The following SLC7A1 variants were observed in gnomAD, a reference collection of about 807,000 sequenced individuals.
The protein encoded by SLC7A1 is solute carrier family 7 member 1.
Under a neutral mutation model 53.9 loss-of-function variants are expected in SLC7A1, and 10 were observed. The observed-to-expected ratio is 0.19, with a 90% confidence interval of 0.11 to 0.31. SLC7A1 has a LOEUF of 0.31. SLC7A1 is among the 10% of genes least tolerant of loss of function. SLC7A1 has a pLI of 1.00. For synonymous variants in SLC7A1, 342 were observed against 338.7 expected, an observed-to-expected ratio of 1.01 and a Z score of -0.11; for missense variants, 525 against 827.2, an observed-to-expected ratio of 0.63 and a Z score of 4.48.
At chr13:29,556,348 A>T (rs1399477050) in intron 1 of SLC7A1, among the ~76,000 whole-genome samples, 1 of 152,134 alleles carries the variant, frequency 6.6e-6, no homozygotes, top group Non-Finnish European at 1.5e-5. Context: ...TAGGTAAATT[A>T]AGACATTTAT....
At chr13:29,567,959 C>T (rs1871040374) in intron 1 of SLC7A1, among the ~76,000 whole-genome samples, 1 of 152,040 alleles carries the variant, frequency 6.6e-6, no homozygotes. Flanking sequence ...CCAAAGAGCT[C>T]CCACCCAGGG....
At chr13:29,571,437 C>A (rs1449162905) in intron 1 of SLC7A1, among the ~76,000 whole-genome samples, 4 of 152,226 alleles carry the variant, frequency 2.6e-5, no homozygotes, top group African/African-American at 9.6e-5. Context: ...GCATCAACCA[C>A]CAAAGCCCTT....
intron 5 of SLC7A1, among the ~76,000 whole-genome samples, chr13:29,525,043 C>T (rs1450611522): frequency 6.6e-6 from 1 of 152,206 alleles, no homozygotes; most frequent in Non-Finnish European, 1.5e-5. Flanking sequence ...CCCTTGTTCC[C>T]TGATGTACAA....
chr13:29,541,313 G>C (rs911135223), intron 2 of SLC7A1, among the ~76,000 whole-genome samples: 1 of 152,218 alleles, frequency 6.6e-6, no homozygotes, highest in Non-Finnish European at 1.5e-5. Flanking sequence ...AACTGAACAC[G>C]GTCTTGAGAA....
At position 29,510,087 on chromosome 13, in the gene SLC7A1, C is replaced by A. The variant is rs1301604352; in HGVS notation, c.*4393G>T. On this transcript the variant is annotated 3_prime_UTR_variant, in exon 13 of 13. Transcript: ENST00000380752. ...CCCTGCTGGACACACTAATAAATAC[C>A]CTGAGAAAATCTTCTCTTTAAGCTT... is the stretch of plus-strand genomic sequence containing the variant. The A allele has an allele frequency of 6.6e-6, 1 of 152,624 alleles. No homozygotes were observed. Among genetic ancestry groups the A allele is most frequent in the Non-Finnish European group, 1.5e-5 (1 of 68,038 alleles). The allele number at this position is 152,624 out of a possible 1,614,324, so 9.5% of individuals were successfully genotyped here. A position where few individuals can be genotyped will look rare whatever the true frequency, so the allele number is the denominator to read the frequency against.
At chr13:29,533,107 G>C (rs1256808489) in intron 3 of SLC7A1, 125 bp from the exon 4 acceptor site, 12 of 934,692 alleles carry the variant, frequency 1.3e-5, no homozygotes, top group Non-Finnish European at 1.9e-5. Flanking sequence ...TCTGGCAGCA[G>C]CAGCCAGACC....
intron 1 of SLC7A1, among the ~76,000 whole-genome samples, chr13:29,582,649 G>C (rs1185272169): frequency 1.3e-5 from 2 of 152,138 alleles, no homozygotes; most frequent in East Asian, 1.9e-4. Flanking sequence ...CCTGAGAGCT[G>C]GTTAGAAATG....
chr13:29,522,232 G>C, intron 8 of SLC7A1, 85 bp downstream of exon 8: 6 of 1,372,262 alleles, frequency 4.4e-6, no homozygotes, highest in African/African-American at 2.9e-5. Flanking sequence ...ATTACTCACA[G>C]ACCAGAACTG....
rs1868913467 is a variant in SLC7A1 at position 29,526,781 on chromosome 13, G to T, written c.705-2528C>A. ...AGCAAGGGCGATGGGTGAGCGCAAA[G>T]CGAGGAGGCAAAACAAAAGGCATCC... On this transcript the variant is annotated intron_variant, in intron 5 of 12. Transcript: ENST00000380752. 1.3e-5 allele frequency among the ~76,000 whole-genome samples: 2 copies of T among 152,206 alleles called. 1 individual carries two copies. The highest frequency in any genetic ancestry group is 4.1e-4 in the South Asian group (2 of 4,828).
In SLC7A1 at chr13:29,567,347, G is replaced by A. The variant is rs1756443; in HGVS notation, c.-114-13487C>T. ...GGTCCAGGATCTCAAAAAGAATAGGGTGGCTTACATAGGTAAGCAGAAGAG... is the reference window on the plus strand; with the variant it reads ...GGTCCAGGATCTCAAAAAGAATAGGATGGCTTACATAGGTAAGCAGAAGAG... On this transcript the variant is annotated intron_variant, in intron 1 of 12. Coordinates refer to ENST00000380752, the MANE Select transcript of SLC7A1 (RefSeq NM_003045.5). Among the ~76,000 whole-genome samples the A allele has an allele frequency of 3.4e-3, 523 of 152,266 alleles. 4 individuals are homozygous for A. The highest frequency in any genetic ancestry group is 0.012 in the African/African-American group (490 of 41,542).
intron 2 of SLC7A1, among the ~76,000 whole-genome samples, chr13:29,553,430 A>T (rs1025398819): frequency 6.6e-6 from 1 of 152,040 alleles, no homozygotes; most frequent in African/African-American, 2.4e-5. Flanking sequence ...CCTTCCCCAG[A>T]GCCTACCCTG....
intron 1 of SLC7A1, among the ~76,000 whole-genome samples, chr13:29,582,742 G>T (rs1010104897): frequency 2.0e-5 from 3 of 152,210 alleles, no homozygotes; most frequent in Non-Finnish European, 4.4e-5. Flanking sequence ...GTATGCACGT[G>T]TGGTCTAGAC....
At chr13:29,524,971 C>T (rs771840060) in intron 5 of SLC7A1, among the ~76,000 whole-genome samples, 3 of 152,214 alleles carry the variant, frequency 2.0e-5, no homozygotes, top group Admixed American at 1.3e-4. Context: ...TGCCGAGACA[C>T]GGTGCCCAGG....
At chr13:29,578,492 C>A (rs771873429) in intron 1 of SLC7A1, among the ~76,000 whole-genome samples, 2 of 152,168 alleles carry the variant, frequency 1.3e-5, no homozygotes, top group Non-Finnish European at 2.9e-5. Flanking sequence ...GGACCTTGGG[C>A]AAACGTTGTG....
intron 9 of SLC7A1, among the ~76,000 whole-genome samples, chr13:29,518,579 G>A (rs1868467489): frequency 6.6e-6 from 1 of 152,176 alleles, no homozygotes. Context: ...GGAGACCTCA[G>A]AGAATATTCT....
intron 1 of SLC7A1, among the ~76,000 whole-genome samples, chr13:29,568,954 G>A (rs1593575031): frequency 6.6e-6 from 1 of 152,272 alleles, no homozygotes; most frequent in East Asian, 1.9e-4. Flanking sequence ...TACCCAACAA[G>A]CCACCAGCTT....
At chr13:29,574,858 A>C (rs1311196947) in intron 1 of SLC7A1, among the ~76,000 whole-genome samples, 2 of 151,942 alleles carry the variant, frequency 1.3e-5, no homozygotes, top group Non-Finnish European at 1.5e-5. Flanking sequence ...GTTGGCCAGG[A>C]TGGTCTCGAT....
At chr13:29,578,653 G>C (rs1042392447) in intron 1 of SLC7A1, among the ~76,000 whole-genome samples, 1 of 152,224 alleles carries the variant, frequency 6.6e-6, no homozygotes, top group South Asian at 2.1e-4. Flanking sequence ...GAGAGGACAC[G>C]GCAAGCTACT....
chr13:29,567,732 C>T (rs556136234), intron 1 of SLC7A1, among the ~76,000 whole-genome samples: 25 of 152,256 alleles, frequency 1.6e-4, no homozygotes, highest in South Asian at 4.1e-4. Context: ...AAATAAGTCT[C>T]GGGTGTGGCC....
Sources: gnomAD v4.1 joint callset for allele counts (sites outside exome capture counted in the v4.1 genomes callset) on GRCh38, gnomAD v4.1.1 for gene constraint, MANE v1.5 for transcripts, NCBI Gene and HGNC (gene_info 2026-07-23, HGNC 2026-07-21) for gene names.